ATP2C2: variants seen among roughly 807,000 people sequenced by gnomAD.
ATP2C2 encodes calcium-transporting ATPase type 2C member 2.
A neutral mutation model predicts 110.8 loss-of-function variants in ATP2C2; 171 were observed. That is an observed-to-expected ratio of 1.54 (90% confidence interval 1.36 to 1.75). The LOEUF is 1.75. Among genes scored for constraint, ATP2C2 ranks in the 40% most tolerant of loss-of-function variants. ATP2C2 has a pLI of 0.00. For synonymous variants in ATP2C2, 804 were observed against 508.4 expected, an observed-to-expected ratio of 1.58 and a Z score of -7.82; for missense variants, 1,963 against 1,235.0, an observed-to-expected ratio of 1.59 and a Z score of -8.84.
chr16:84,414,443 CA>C (rs1165653487), intron 6 of ATP2C2, among the ~76,000 whole-genome samples: 5 of 152,156 alleles, frequency 3.3e-5, no homozygotes, highest in Admixed American at 2.6e-4. Flanking sequence ...GCCAAACACG[CA>C]AAGGCCCTAT....
intron 3 of ATP2C2, 44 bp downstream of exon 3, chr16:84,405,288 A>G (rs778785891): frequency 6.6e-7 from 1 of 1,517,096 alleles, no homozygotes; most frequent in Non-Finnish European, 9.1e-7. Context: ...TGCATAAGCC[A>G]GCGAGGGTGG....
chr16:84,409,308 G>A (rs1443800359), intron 4 of ATP2C2, among the ~76,000 whole-genome samples: 1 of 152,190 alleles, frequency 6.6e-6, no homozygotes, highest in Non-Finnish European at 1.5e-5. Context: ...ATAGGGTCAG[G>A]GGGCTGGGGG....
rs78637530 is a variant in ATP2C2 at position 84,442,637 on chromosome 16, C to T, written c.1401+38C>T. Reference sequence around the variant, plus strand: ...GGGGTGGCTCTGCGGGGAATTCTTTCGCTCGGGGCTGGATTCATTGGTAGA... The same window carrying T: ...GGGGTGGCTCTGCGGGGAATTCTTTTGCTCGGGGCTGGATTCATTGGTAGA... On this transcript the variant is annotated intron_variant, in intron 15 of 26. Transcript: ENST00000262429. 5,943 of 1,587,154 alleles carry T rather than the reference C, an allele frequency of 3.7e-3. 19 individuals carry two copies. Among genetic ancestry groups the T allele is most frequent in the Non-Finnish European group, 4.7e-3 (5,431 of 1,156,298 alleles).
At position 84,459,301 on chromosome 16, in the gene ATP2C2, T is replaced by C; in HGVS notation, c.2248T>C (p.Ser750Pro). Residue 750 changes from serine (S) to proline (P), a missense_variant, in exon 23 of 27, where the codon TCC becomes CCC. Transcript: ENST00000262429. ...SISALSLITLSTVFNLPSPLN... is the reference protein window; with the variant it reads ...SISALSLITLPTVFNLPSPLN... The stretch of plus-strand genomic sequence containing the variant: ...CTCCGCCCTGAGTCTCATCACTCTG[T>C]CCACCGTGTTCAACCTGCCCAGCCC... 6.2e-7 allele frequency: 1 copy of C among 1,614,184 alleles called. No individual in the cohort carries two copies. Among genetic ancestry groups the C allele is most frequent in the Non-Finnish European group, 8.5e-7 (1 of 1,180,034 alleles).
In ATP2C2 at chr16:84,442,495, A is replaced by G. The variant is rs1909357689; in HGVS notation, c.1312-15A>G. 1.2e-6 allele frequency: 2 copies of G among 1,613,614 alleles called. No homozygotes were observed. The highest frequency in any genetic ancestry group is 1.7e-5 in the Admixed American group (1 of 59,974). ...CCCAGTACTAACTACAGATGTCCGG[A>G]CAATCCCCTTTTAGGCGGGCTGTGT... On this transcript the variant is annotated splice_polypyrimidine_tract_variant and intron_variant, in intron 14 of 26. Transcript: ENST00000262429.
chr16:84,372,114 G>A (rs1807615472), intron 1 of ATP2C2, among the ~76,000 whole-genome samples: 2 of 152,192 alleles, frequency 1.3e-5, no homozygotes, highest in African/African-American at 2.4e-5. Flanking sequence ...CTGCAGAGGA[G>A]GGTCGTACGG....
In ATP2C2 at chr16:84,451,961, G is replaced by C; in HGVS notation, c.1701G>C (p.Thr567=). Residue 567 remains threonine (T), a synonymous_variant, in exon 18 of 27, where the codon ACG becomes ACC. Transcript: ENST00000262429. The part of the protein sequence containing the change: ...LASGPELGRL[T]FLGLVGIIDP... ...CTGGGCCCGAGCTGGGGCGGCTGACGTTTCTCGGTCTTGTGGGCATCATTG... is the reference window on the plus strand; with the variant it reads ...CTGGGCCCGAGCTGGGGCGGCTGACCTTTCTCGGTCTTGTGGGCATCATTG... 6.2e-7 allele frequency: 1 copy of C among 1,614,054 alleles called. No individual in the cohort carries two copies. Among genetic ancestry groups the C allele is most frequent in the Non-Finnish European group, 8.5e-7 (1 of 1,180,012 alleles).
rs758999990 is a variant in ATP2C2, at chr16:84,415,573, A to T, written c.606A>T (p.Ala202=). The part of the protein sequence containing the change: ...VSLSIGDRIP[A]DIRLTEVTDL... Reference sequence around the variant, plus strand: ...TCTCGATCGGAGACCGGATCCCTGCAGACATCCGACTCACTGAGGTGAGTG... The same window carrying T: ...TCTCGATCGGAGACCGGATCCCTGCTGACATCCGACTCACTGAGGTGAGTG... Residue 202 remains alanine (A), a synonymous_variant, in exon 7 of 27, where the codon GCA becomes GCT. Transcript: ENST00000262429. The T allele has an allele frequency of 6.2e-6, 10 of 1,613,888 alleles. No individual in the cohort carries two copies. The highest frequency in any genetic ancestry group is 8.5e-6 in the Non-Finnish European group (10 of 1,179,856).
Position 84,464,096 on chromosome 16 carries a change from G to T in ATP2C2, c.*364G>T. ...CTCCTGAGAGGCAGTGGGTAGGATG[G>T]TCACACTCTGCCCATTGCCCTCCTG... is the stretch of plus-strand genomic sequence containing the variant. On this transcript the variant is annotated 3_prime_UTR_variant, in exon 27 of 27. Transcript: ENST00000262429. The T allele has an allele frequency of 5.6e-6, 1 of 178,736 alleles. No homozygotes were observed. Among genetic ancestry groups the T allele is most frequent in the Admixed American group, 5.9e-5 (1 of 16,866 alleles). The allele number at this position is 178,736 out of a possible 1,614,324, so 11.1% of individuals were successfully genotyped here. A position where few individuals can be genotyped will look rare whatever the true frequency, so the allele number is the denominator to read the frequency against.
At chr16:84,370,893 C>A (rs1909916242) in intron 1 of ATP2C2, among the ~76,000 whole-genome samples, 1 of 152,088 alleles carries the variant, frequency 6.6e-6, no homozygotes, top group Non-Finnish European at 1.5e-5. Flanking sequence ...GGGCCTCTTA[C>A]CTCCAAGGTA....
intron 11 of ATP2C2, among the ~76,000 whole-genome samples, chr16:84,435,602 G>T (rs1393591258): frequency 6.6e-6 from 1 of 152,210 alleles, no homozygotes; most frequent in Non-Finnish European, 1.5e-5. Context: ...GAGGAGGGAG[G>T]ATCACTTGAG....
In ATP2C2 at chr16:84,428,378, G is replaced by A. The variant is rs1292787139; in HGVS notation, c.986+2577G>A. On this transcript the variant is annotated intron_variant, in intron 11 of 26. Coordinates refer to ENST00000262429, the MANE Select transcript of ATP2C2 (RefSeq NM_014861.4). ...CTGCATGGTGTGCATTAATTGAGGGGCAGGTGGTAAAATCAACATGTGGGC... is the reference window on the plus strand; with the variant it reads ...CTGCATGGTGTGCATTAATTGAGGGACAGGTGGTAAAATCAACATGTGGGC... Among the ~76,000 whole-genome samples the A allele has an allele frequency of 6.6e-5, 10 of 152,220 alleles. No individual in the cohort carries two copies. The East Asian group carries it at 1.5e-3, about 23-fold the overall frequency.
At position 84,446,581 on chromosome 16, in the gene ATP2C2, C is replaced by G. The variant is rs549129160; in HGVS notation, c.1503+151C>G. ...ATGGAAAAACTTAATCACCATCATA[C>G]CTTTGATTCTCTTGGGTCTGCTTCT... On this transcript the variant is annotated intron_variant, in intron 16 of 26. Transcript: ENST00000262429. 7.8e-6 allele frequency: 4 copies of G among 513,954 alleles called. No individual in the cohort carries two copies. The East Asian group carries it at 1.3e-4, about 17-fold the overall frequency. 31.8% of individuals were successfully genotyped at this position (513,954 alleles called of 1,614,324 possible). A position where few individuals can be genotyped will look rare whatever the true frequency, so the allele number is the denominator to read the frequency against.
intron 1 of ATP2C2, among the ~76,000 whole-genome samples, chr16:84,377,977 A>G (rs7196982): frequency 0.59 from 89,486 of 151,882 alleles, 26,542 homozygotes; most frequent in South Asian, 0.62. Context: ...CCTGTGGCCT[A>G]TTGGAGAGAA....
rs151067293 is a variant in ATP2C2, at chr16:84,422,253, C to T, written c.625-137C>T. The stretch of plus-strand genomic sequence containing the variant: ...TGATCCTGGAGGCCTCAGAGGCCGT[C>T]GTTGTGACACTCATTCTGTAGGTTC... On this transcript the variant is annotated intron_variant, in intron 7 of 26. Transcript: ENST00000262429. 1,089 of 1,030,410 alleles carry T rather than the reference C, an allele frequency of 1.1e-3. 6 individuals are homozygous for T. In the African/African-American group the frequency reaches 0.016, roughly 15 times the overall value. 63.8% of individuals were successfully genotyped at this position (1,030,410 alleles called of 1,614,324 possible). A position where few individuals can be genotyped will look rare whatever the true frequency, so the allele number is the denominator to read the frequency against.
intron 21 of ATP2C2, 50 bp downstream of exon 21, chr16:84,455,034 C>G (rs1441550506): frequency 6.3e-7 from 1 of 1,579,264 alleles, no homozygotes; most frequent in East Asian, 2.5e-5. Flanking sequence ...CCTGGGGTCA[C>G]CAGCTTCTCC....
intron 6 of ATP2C2, among the ~76,000 whole-genome samples, chr16:84,413,517 A>C (rs920891872): frequency 1.6e-4 from 24 of 152,206 alleles, no homozygotes; most frequent in Non-Finnish European, 2.9e-4. Flanking sequence ...TCAGAAATCC[A>C]GACATGTGAC....
At chr16:84,383,787 G>GTTTTTTTTTT (rs58587781) in intron 1 of ATP2C2, among the ~76,000 whole-genome samples, 4 of 100,848 alleles carry the variant, frequency 4.0e-5, no homozygotes, top group Non-Finnish European at 5.7e-5. Context: ...GGTTTTGTTG[G>GTTTTTTTTTT]TTTTTTTTTT....
chr16:84,419,561 G>A (rs1907143955), intron 7 of ATP2C2, among the ~76,000 whole-genome samples: 1 of 152,160 alleles, frequency 6.6e-6, no homozygotes, highest in South Asian at 2.1e-4. Flanking sequence ...TTAGGATGCG[G>A]ACATCATGGG....
Sources: gnomAD v4.1 joint callset for allele counts (sites outside exome capture counted in the v4.1 genomes callset) on GRCh38, gnomAD v4.1.1 for gene constraint, MANE v1.5 for transcripts, NCBI Gene and HGNC (gene_info 2026-07-23, HGNC 2026-07-21) for gene names.